ZC3H12B: variants seen among roughly 807,000 people sequenced by gnomAD.
The protein encoded by ZC3H12B is probable ribonuclease ZC3H12B.
ZC3H12B carries 7 observed loss-of-function variants against 43.9 expected under a neutral mutation model. That is an observed-to-expected ratio of 0.16 (90% CI 0.09 to 0.30). The LOEUF (loss-of-function observed/expected upper bound fraction) is 0.30, where lower values mean the gene tolerates loss of function less well. Ranked by LOEUF, ZC3H12B falls within the 10% of genes least tolerant of loss-of-function variation. The pLI, the probability that ZC3H12B is intolerant of heterozygous loss-of-function variation, is 1.00. For missense variants in ZC3H12B, 475 were observed against 670.2 expected (o/e 0.71, Z 3.22); for synonymous variants, 222 against 241.7 (o/e 0.92, Z 0.76).
At chrX:65,273,865 T>C in the ZC3H12B span, among the ~76,000 whole-genome samples, 2 of 112,103 alleles carry the variant, frequency 1.8e-5, no homozygotes, top group Non-Finnish European at 3.8e-5. Flanking sequence ...ACTTCAGAAA[T>C]TAAAAACAGG....
the ZC3H12B span, among the ~76,000 whole-genome samples, chrX:65,248,775 G>T: frequency 9.0e-6 from 1 of 111,641 alleles, no homozygotes. Context: ...ATGGCCATTC[G>T]TGCAGGACTA....
chrX:65,503,622 A>ATT (rs5902584), exon 5 of ZC3H12B: 1 of 107,081 alleles, frequency 9.3e-6, no homozygotes, highest in Non-Finnish European at 1.9e-5. Flanking sequence ...TTCTTTCTTT[A>ATT]TTTTTTTTTT....
At chrX:65,244,665 G>A in the ZC3H12B span, among the ~76,000 whole-genome samples, 1 of 96,162 alleles carries the variant, frequency 1.0e-5, no homozygotes, top group Non-Finnish European at 2.0e-5. Context: ...GGGAAATTGA[G>A]GCTGCAGTGG....
At chrX:65,441,747 C>A (rs1370555401) in intron 3 of ZC3H12B, among the ~76,000 whole-genome samples, 1 of 111,524 alleles carries the variant, frequency 9.0e-6, no homozygotes, top group Non-Finnish European at 1.9e-5. Flanking sequence ...GGACCTTTTG[C>A]AGGGGTTCCC....
the ZC3H12B span, among the ~76,000 whole-genome samples, chrX:65,040,832 T>C: frequency 1.8e-5 from 2 of 111,717 alleles, no homozygotes; most frequent in African/African-American, 6.5e-5. Flanking sequence ...TTCCCCAGGC[T>C]GGAGTGCAGT....
the ZC3H12B span, among the ~76,000 whole-genome samples, chrX:65,118,221 G>A: frequency 3.6e-5 from 4 of 111,595 alleles, no homozygotes; most frequent in Non-Finnish European, 7.5e-5. Context: ...ATTTGTTTGT[G>A]TCCTCTTTGA....
the ZC3H12B span, among the ~76,000 whole-genome samples, chrX:65,339,994 A>G: frequency 6.3e-5 from 7 of 111,611 alleles, no homozygotes; most frequent in Non-Finnish European, 1.1e-4. Context: ...CCCACAACCA[A>G]CATACCACCA....
At chrX:65,441,595 G>A (rs1000151267) in intron 3 of ZC3H12B, among the ~76,000 whole-genome samples, 1 of 112,032 alleles carries the variant, frequency 8.9e-6, no homozygotes, top group Non-Finnish European at 1.9e-5. Flanking sequence ...GGAAACAGAC[G>A]TAGATATAAC....
the ZC3H12B span, among the ~76,000 whole-genome samples, chrX:65,142,349 ATTGT>A: frequency 9.0e-6 from 1 of 110,628 alleles, no homozygotes; most frequent in South Asian, 3.8e-4. Flanking sequence ...TTTTTATGGG[ATTGT>A]TTGTTTTTCT....
chrX:65,438,238 AT>A (rs374120863), intron 3 of ZC3H12B, among the ~76,000 whole-genome samples: 3,110 of 109,662 alleles, frequency 0.028, 108 homozygotes, highest in African/African-American at 0.098. Flanking sequence ...TTTTTAAAGT[AT>A]TTTTTTTTAT....
At chrX:65,318,780 A>T in the ZC3H12B span, among the ~76,000 whole-genome samples, 1 of 106,795 alleles carries the variant, frequency 9.4e-6, no homozygotes, top group African/African-American at 3.4e-5. Flanking sequence ...TTTTGTTGGG[A>T]TTTTTTTTTT....
chrX:65,075,308 A>G, the ZC3H12B span, among the ~76,000 whole-genome samples: 3 of 112,510 alleles, frequency 2.7e-5, no homozygotes, highest in Non-Finnish European at 5.6e-5. Context: ...TTAAAGTAAA[A>G]GAAGTTTCTT....
the ZC3H12B span, among the ~76,000 whole-genome samples, chrX:65,058,057 T>C: frequency 1.2e-4 from 14 of 112,325 alleles, no homozygotes; most frequent in Non-Finnish European, 2.6e-4. Flanking sequence ...AGAAGTTTGA[T>C]CGTCTAAAGC....
chrX:65,163,290 G>C, the ZC3H12B span, among the ~76,000 whole-genome samples: 5 of 111,459 alleles, frequency 4.5e-5, no homozygotes, highest in East Asian at 8.6e-4. Flanking sequence ...AACCACTGCT[G>C]TCTTCAACGC....
chrX:65,075,741 C>G, the ZC3H12B span, among the ~76,000 whole-genome samples: 1 of 111,789 alleles, frequency 8.9e-6, no homozygotes, highest in African/African-American at 3.2e-5. Flanking sequence ...CACTTTTTCA[C>G]GAGTCTCCAG....
chrX:65,167,082 G>A, the ZC3H12B span, among the ~76,000 whole-genome samples: 12 of 111,693 alleles, frequency 1.1e-4, no homozygotes, highest in South Asian at 3.8e-4. Context: ...TTTTGTTGCC[G>A]TTGCCTTTGG....
chrX:65,358,093 A>G, the ZC3H12B span, among the ~76,000 whole-genome samples: 1 of 111,558 alleles, frequency 9.0e-6, no homozygotes, highest in African/African-American at 3.3e-5. Context: ...ATCAAAAAAG[A>G]CAAAGAAGGG....
intron 3 of ZC3H12B, among the ~76,000 whole-genome samples, chrX:65,404,402 C>T (rs1261515658): frequency 9.0e-6 from 1 of 111,452 alleles, no homozygotes; most frequent in Non-Finnish European, 1.9e-5. Context: ...AGTCTACAAT[C>T]GAAATAAATA....
chrX:65,190,400 T>C, the ZC3H12B span, among the ~76,000 whole-genome samples: 1 of 111,339 alleles, frequency 9.0e-6, no homozygotes, highest in Non-Finnish European at 1.9e-5. Context: ...GTATGGCCAT[T>C]TTCACGATAT....
Sources: allele counts gnomAD v4.1 joint callset (sites outside exome capture counted in the v4.1 genomes callset), GRCh38; gene constraint gnomAD v4.1.1; transcripts MANE v1.5; gene names NCBI Gene and HGNC (gene_info 2026-07-23, HGNC 2026-07-21).